Variants in FAT3 observed in about 807,000 individuals in gnomAD.
The protein encoded by FAT3 is FAT atypical cadherin 3, also known as protocadherin Fat 3.
Under a neutral mutation model 310.2 loss-of-function variants are expected in FAT3, and 95 were observed. The ratio of observed to expected loss-of-function variants is 0.31; its 90% confidence interval spans 0.26 to 0.36. The LOEUF (loss-of-function observed/expected upper bound fraction) is 0.36. FAT3 is among the 10% of genes least tolerant of loss of function. The pLI is 1.00. For synonymous variants in FAT3, 2,314 were observed against 2,192.9 expected, an observed-to-expected ratio of 1.06 and a Z score of -1.54; for missense variants, 5,408 against 5,715.6, an observed-to-expected ratio of 0.95 and a Z score of 1.74.
intron 1 of FAT3, among the ~76,000 whole-genome samples, chr11:92,279,436 G>T (rs1289329695): frequency 6.6e-6 from 1 of 151,920 alleles, no homozygotes; most frequent in Admixed American, 6.6e-5. Flanking sequence ...TTAATTTATT[G>T]AACACATGTT....
chr11:92,789,746 G>A (rs1437145944), intron 7 of FAT3, among the ~76,000 whole-genome samples, 197 bp from the exon 8 acceptor site: 1 of 152,134 alleles, frequency 6.6e-6, no homozygotes, highest in Non-Finnish European at 1.5e-5. Flanking sequence ...TTATGTTCCT[G>A]CTAATATAAA....
chr11:92,649,398 C>G (rs1468055006), intron 3 of FAT3, among the ~76,000 whole-genome samples: 1 of 152,138 alleles, frequency 6.6e-6, no homozygotes, highest in Non-Finnish European at 1.5e-5. Flanking sequence ...CCTTGTAATT[C>G]TGGCCTGAGT....
At chr11:92,366,974 C>A (rs140390098) in intron 2 of FAT3, 3 of 525,136 alleles carry the variant, frequency 5.7e-6, no homozygotes, top group African/African-American at 3.8e-5. Context: ...GGTCAGACAC[C>A]CATAGTGCCC....
chr11:92,380,443 C>A (rs1170531043), intron 2 of FAT3, among the ~76,000 whole-genome samples: 1 of 152,088 alleles, frequency 6.6e-6, no homozygotes, highest in East Asian at 1.9e-4. Flanking sequence ...ACAGATGTTT[C>A]TTTTGTTTTT....
intron 1 of FAT3, among the ~76,000 whole-genome samples, chr11:92,227,270 G>A (rs558405195): frequency 2.6e-5 from 4 of 152,216 alleles, no homozygotes; most frequent in African/African-American, 9.6e-5. Flanking sequence ...AGGCGAGTCC[G>A]GGGTAGTGGG....
intron 1 of FAT3, among the ~76,000 whole-genome samples, chr11:92,229,515 T>A (rs1864078076): frequency 8.0e-6 from 1 of 124,592 alleles, no homozygotes; most frequent in Non-Finnish European, 1.7e-5. Flanking sequence ...TTGTTTTTTG[T>A]TTTTTTTTAC....
At chr11:92,660,743 G>C (rs116596117) in intron 3 of FAT3, among the ~76,000 whole-genome samples, 1 of 152,174 alleles carries the variant, frequency 6.6e-6, no homozygotes. Context: ...TCTTGTTCTG[G>C]ATTTTATGGC....
chr11:92,536,875 G>T (rs1410380310), intron 3 of FAT3, among the ~76,000 whole-genome samples: 2 of 152,140 alleles, frequency 1.3e-5, no homozygotes, highest in Non-Finnish European at 2.9e-5. Flanking sequence ...CTTCCCAAGA[G>T]TAAAATTATA....
chr11:92,606,768 C>T (rs1337722573), intron 3 of FAT3, among the ~76,000 whole-genome samples: 1 of 152,166 alleles, frequency 6.6e-6, no homozygotes, highest in Non-Finnish European at 1.5e-5. Context: ...GGAACTAGCA[C>T]TTAAAGCTGG....
chr11:92,630,947 G>A (rs1388135008), intron 3 of FAT3, among the ~76,000 whole-genome samples: 1 of 152,102 alleles, frequency 6.6e-6, no homozygotes. Flanking sequence ...CAGCTTTTTT[G>A]GAAATTATTA....
chr11:92,816,095 T>G (rs1043831273), intron 13 of FAT3, among the ~76,000 whole-genome samples: 2 of 152,184 alleles, frequency 1.3e-5, no homozygotes, highest in South Asian at 2.1e-4. Context: ...CCAAATGGTA[T>G]TAGCACTTAC....
rs150946610 is a variant in FAT3, at chr11:92,264,612, A to G, written c.-18+39438A>G. ...CAATGGAAATATTTTCATTTTCTCC[A>G]TTTTTAGAGTATAAACACATGAATC... On this transcript the variant is annotated intron_variant, in intron 1 of 27. Coordinates refer to ENST00000525166, the MANE Select transcript of FAT3 (RefSeq NM_001367949.2). Among the ~76,000 whole-genome samples the G allele has an allele frequency of 9.7e-3, 1,472 of 152,200 alleles. 35 individuals are homozygous for G. Among genetic ancestry groups the G allele is most frequent in the African/African-American group, 0.033 (1,390 of 41,540 alleles).
At chr11:92,484,610 C>T (rs1591353500) in intron 2 of FAT3, among the ~76,000 whole-genome samples, 1 of 152,090 alleles carries the variant, frequency 6.6e-6, no homozygotes, top group Non-Finnish European at 1.5e-5. Context: ...ATGATAATGA[C>T]GATGCATCAG....
At position 92,800,571 on chromosome 11, in the gene FAT3, G is replaced by C; in HGVS notation, c.7558G>C (p.Ala2520Pro). ...AAGTKVIHVR[A>P]TDGDPGTYGQ... ...AGGAACAAAGGTAATTCATGTTCGA[G>C]CCACAGATGGTGATCCAGGGACTTA... The change falls in exon 10 of 28, where the codon GCC (alanine) becomes CCC (proline). Residue 2520 changes from alanine (A) to proline (P), a missense_variant. This residue lies in a region of FAT3 where 4,588 missense variants were observed against 4,809.8 expected (regional missense o/e 0.95). Coordinates refer to ENST00000525166, the MANE Select transcript of FAT3 (RefSeq NM_001367949.2). 6.2e-7 allele frequency: 1 copy of C among 1,613,740 alleles called. No individual in the cohort carries two copies. The highest frequency in any genetic ancestry group is 8.5e-7 in the Non-Finnish European group (1 of 1,179,802).
At chr11:92,736,246 AG>A (rs941584777) in intron 4 of FAT3, among the ~76,000 whole-genome samples, 4 of 152,164 alleles carry the variant, frequency 2.6e-5, no homozygotes, top group African/African-American at 9.7e-5. Context: ...TCGCCAGCAG[AG>A]GGTTCAAGTT....
chr11:92,601,221 A>T (rs911967388), intron 3 of FAT3, among the ~76,000 whole-genome samples: 1 of 151,864 alleles, frequency 6.6e-6, no homozygotes, highest in Non-Finnish European at 1.5e-5. Flanking sequence ...TGGAGATGAG[A>T]GTAAAAACAG....
At chr11:92,342,016 G>C (rs994423975) in intron 1 of FAT3, among the ~76,000 whole-genome samples, 1 of 152,056 alleles carries the variant, frequency 6.6e-6, no homozygotes, top group Admixed American at 6.6e-5. Context: ...ACTCAGTGTT[G>C]CTGCCTTACA....
At chr11:92,614,711 T>A (rs1940720604) in intron 3 of FAT3, among the ~76,000 whole-genome samples, 1 of 152,236 alleles carries the variant, frequency 6.6e-6, no homozygotes, top group Non-Finnish European at 1.5e-5. Context: ...GTTTTACAAT[T>A]GTGATGAAAT....
intron 2 of FAT3, among the ~76,000 whole-genome samples, chr11:92,476,621 T>C (rs1419151190): frequency 1.3e-5 from 2 of 152,298 alleles, no homozygotes; most frequent in South Asian, 2.1e-4. Flanking sequence ...TTGACTCTTA[T>C]CAAAACCTAA....
Sources: gnomAD v4.1 joint callset for allele counts (sites outside exome capture counted in the v4.1 genomes callset) on GRCh38, gnomAD v4.1.1 for gene constraint, gnomAD v4.1.1 regional missense constraint, MANE v1.5 for transcripts, NCBI Gene and HGNC (gene_info 2026-07-23, HGNC 2026-07-21) for gene names.